Variants in DPP10 observed in about 807,000 individuals in gnomAD.
DPP10 encodes inactive dipeptidyl peptidase 10.
A neutral mutation model predicts 120.9 loss-of-function variants in DPP10; 33 were observed. The ratio of observed to expected loss-of-function variants is 0.27; its 90% CI spans 0.21 to 0.37. The LOEUF is 0.37. Among genes scored for constraint, DPP10 ranks in the 10% least tolerant of loss-of-function variants. DPP10 has a pLI of 1.00. For synonymous variants in DPP10, 337 were observed against 326.1 expected, an observed-to-expected ratio of 1.03 and a Z score of -0.36; for missense variants, 816 against 942.8, an observed-to-expected ratio of 0.87 and a Z score of 1.76.
intron 1 of DPP10, among the ~76,000 whole-genome samples, chr2:115,257,751 A>G (rs955624608): frequency 5.3e-5 from 8 of 152,202 alleles, no homozygotes; most frequent in African/African-American, 1.9e-4. Flanking sequence ...CCTAAGTTAC[A>G]TAACATTTGG....
chr2:115,366,592 C>G (rs1222035875), intron 3 of DPP10, among the ~76,000 whole-genome samples: 1 of 151,972 alleles, frequency 6.6e-6, no homozygotes, highest in East Asian at 1.9e-4. Context: ...TCTACCGAGT[C>G]CTTAGGATGA....
rs70941075 is a variant in DPP10, at chr2:115,560,403, AATATATATATATATATATATATATATAT to A, written c.441+34447_441+34474del. 3.1e-3 allele frequency among the ~76,000 whole-genome samples: 55 copies of A among 17,858 alleles called. 4 individuals are homozygous for A. In the East Asian group the frequency reaches 0.073, roughly 24 times the overall value. 11.7% of individuals were successfully genotyped at this position (17,858 alleles called of 152,430 possible). ...AAAAAAAAAAAAAAAAAAAAAAAAA[AATATATATATATATATATATATATATAT>A]ATATATATATATATACGACAAGCTA... On this transcript the variant is annotated intron_variant, in intron 5 of 25. Transcript: ENST00000410059.
At chr2:115,415,155 A>G (rs2069278284) in intron 3 of DPP10, among the ~76,000 whole-genome samples, 1 of 152,100 alleles carries the variant, frequency 6.6e-6, no homozygotes, top group Non-Finnish European at 1.5e-5. Context: ...ATTCTGCTCA[A>G]ATTTCTCCTC....
rs12104800 is a variant in DPP10, at chr2:115,136,113, T to C, written c.61-173126T>C. Reference sequence around the variant, plus strand: ...AGATGTCTTGATTTTCTGAGGAGTATGCCATGGATAGACACTTAGGGCACA... The same window carrying C: ...AGATGTCTTGATTTTCTGAGGAGTACGCCATGGATAGACACTTAGGGCACA... On this transcript the variant is annotated intron_variant, in intron 1 of 25. Coordinates refer to ENST00000410059, the MANE Select transcript of DPP10 (RefSeq NM_020868.6). Among the ~76,000 whole-genome samples, 554 of 152,126 alleles carry C rather than the reference T, an allele frequency of 3.6e-3. 5 individuals carry two copies. The highest frequency in any genetic ancestry group is 0.013 in the African/African-American group (532 of 41,486).
rs2049191362 is a variant in DPP10, at chr2:115,111,073, GC to G, written c.61-198165del. 2.0e-5 allele frequency among the ~76,000 whole-genome samples: 3 copies of G among 152,058 alleles called. No homozygotes were observed. The South Asian group carries it at 6.2e-4, about 32-fold the overall frequency. ...AAATTGAAACTGTGGAGAAGGAAAC[GC>G]AATCCTATGGCACTAAAGTTCTAAT... On this transcript the variant is annotated intron_variant, in intron 1 of 25. Transcript: ENST00000410059.
intron 1 of DPP10, among the ~76,000 whole-genome samples, chr2:115,296,529 C>T (rs1490760804): frequency 6.6e-6 from 1 of 151,970 alleles, no homozygotes; most frequent in East Asian, 1.9e-4. Flanking sequence ...CCTGGGATGA[C>T]TTTCTTCTGC....
chr2:115,005,871 A>T (rs1204626262), intron 1 of DPP10, among the ~76,000 whole-genome samples: 2 of 152,220 alleles, frequency 1.3e-5, no homozygotes, highest in Admixed American at 6.5e-5. Flanking sequence ...AGAGAACGCC[A>T]CAAAGATAAT....
chr2:114,879,586 T>C (rs1022288810), intron 1 of DPP10, among the ~76,000 whole-genome samples: 2 of 152,090 alleles, frequency 1.3e-5, no homozygotes, highest in African/African-American at 4.8e-5. Context: ...AAAGCTGCAA[T>C]TGTAATGAGG....
At chr2:114,701,139 G>A (rs1345154221) in intron 1 of DPP10, among the ~76,000 whole-genome samples, 1 of 151,952 alleles carries the variant, frequency 6.6e-6, no homozygotes, top group African/African-American at 2.4e-5. Context: ...TTTAATCTTG[G>A]GGATTCACAC....
At chr2:115,420,764 A>G (rs1164273230) in intron 3 of DPP10, among the ~76,000 whole-genome samples, 1 of 152,186 alleles carries the variant, frequency 6.6e-6, no homozygotes, top group Admixed American at 6.5e-5. Flanking sequence ...CACATTAACA[A>G]ACAACTCTGT....
chr2:114,588,360 C>T (rs1028362441), intron 1 of DPP10, among the ~76,000 whole-genome samples: 2 of 152,122 alleles, frequency 1.3e-5, no homozygotes, highest in Non-Finnish European at 2.9e-5. Flanking sequence ...GCAACATTTA[C>T]GAATGTTCAT....
intron 1 of DPP10, among the ~76,000 whole-genome samples, chr2:114,992,759 A>G (rs1320109742): frequency 2.0e-5 from 3 of 152,226 alleles, no homozygotes; most frequent in Non-Finnish European, 4.4e-5. Flanking sequence ...ATAGTCAAAA[A>G]GAGAAAAAGC....
At chr2:115,309,943 T>C (rs1015345730) in intron 2 of DPP10, among the ~76,000 whole-genome samples, 7 of 152,188 alleles carry the variant, frequency 4.6e-5, no homozygotes, top group African/African-American at 1.7e-4. Flanking sequence ...AAGAGTTTAA[T>C]ACTAATATGG....
chr2:115,720,138 T>G (rs1382967811), intron 7 of DPP10, among the ~76,000 whole-genome samples: 3 of 152,202 alleles, frequency 2.0e-5, no homozygotes, highest in African/African-American at 7.2e-5. Context: ...TGTACCAATT[T>G]ATTCTCCCAC....
chr2:115,152,740 T>G (rs1328215244), intron 1 of DPP10, among the ~76,000 whole-genome samples: 2 of 152,128 alleles, frequency 1.3e-5, no homozygotes, highest in African/African-American at 4.8e-5. Flanking sequence ...GGAAGTTTGG[T>G]TTCAAGAGTT....
At chr2:115,546,666 A>G (rs2079521532) in intron 5 of DPP10, among the ~76,000 whole-genome samples, 1 of 152,152 alleles carries the variant, frequency 6.6e-6, no homozygotes, top group Non-Finnish European at 1.5e-5. Flanking sequence ...AAACTTATCA[A>G]AGACCAGCAA....
At chr2:115,373,461 T>C (rs11898241) in intron 3 of DPP10, among the ~76,000 whole-genome samples, 102,925 of 151,748 alleles carry the variant, frequency 0.68, 35,223 homozygotes, top group Admixed American at 0.75. Context: ...GCTTTGGAAA[T>C]GAATGAGAAT....
chr2:114,803,789 G>T (rs1257308424), intron 1 of DPP10, among the ~76,000 whole-genome samples: 1 of 152,208 alleles, frequency 6.6e-6, no homozygotes, highest in Non-Finnish European at 1.5e-5. Flanking sequence ...CAGCATAAAA[G>T]TTTGGAAATT....
At position 114,711,502 on chromosome 2, in the gene DPP10, G is replaced by T. The variant is rs186450735; in HGVS notation, c.60+268664G>T. Reference sequence around the variant, plus strand: ...GTTACTGAGTACCTCTGTGTTTCAGGTTCCTCATCTTTAAACTGGGATGAT... The same window carrying T: ...GTTACTGAGTACCTCTGTGTTTCAGTTTCCTCATCTTTAAACTGGGATGAT... On this transcript the variant is annotated intron_variant, in intron 1 of 25. Transcript: ENST00000410059. Among the ~76,000 whole-genome samples, 612 of 152,248 alleles carry T rather than the reference G, an allele frequency of 4.0e-3. 1 individual carries two copies. The highest frequency in any genetic ancestry group is 6.5e-3 in the Non-Finnish European group (445 of 68,028).
Sources: gnomAD v4.1 joint callset for allele counts (sites outside exome capture counted in the v4.1 genomes callset) on GRCh38, gnomAD v4.1.1 for gene constraint, MANE v1.5 for transcripts, NCBI Gene and HGNC (gene_info 2026-07-23, HGNC 2026-07-21) for gene names.